Variants in DOCK10 observed in about 807,000 individuals in gnomAD.
DOCK10 encodes dedicator of cytokinesis protein 10.
In DOCK10, 145 loss-of-function variants were observed where a neutral mutation model predicts 280.1. The observed-to-expected ratio is 0.52, with a 90% CI of 0.45 to 0.59. The LOEUF (loss-of-function observed/expected upper bound fraction) is 0.59. DOCK10 is among the 20% of genes least tolerant of loss of function. DOCK10 has a pLI of 0.00. For synonymous variants in DOCK10, 915 were observed against 942.2 expected, an observed-to-expected ratio of 0.97 and a Z score of 0.53; for missense variants, 2,368 against 2,651.7, an observed-to-expected ratio of 0.89 and a Z score of 2.35.
At chr2:224,899,267 C>A (rs1700159191) in intron 3 of DOCK10, among the ~76,000 whole-genome samples, 1 of 152,118 alleles carries the variant, frequency 6.6e-6, no homozygotes, top group Admixed American at 6.5e-5. Flanking sequence ...AATTTTATAA[C>A]CACTTTAACT....
intron 1 of DOCK10, among the ~76,000 whole-genome samples, chr2:224,932,208 A>G (rs1702425637): frequency 6.6e-6 from 1 of 152,206 alleles, no homozygotes; most frequent in African/African-American, 2.4e-5. Flanking sequence ...TACAGAGACA[A>G]GCTAGGTCAT....
At chr2:224,909,082 G>A (rs768051233) in intron 3 of DOCK10, among the ~76,000 whole-genome samples, 4 of 152,158 alleles carry the variant, frequency 2.6e-5, no homozygotes, top group Non-Finnish European at 4.4e-5. Flanking sequence ...CTTTTGTTAA[G>A]AGAGACTGAA....
chr2:224,880,907 T>C (rs1698938083), intron 7 of DOCK10, among the ~76,000 whole-genome samples: 1 of 151,566 alleles, frequency 6.6e-6, no homozygotes, highest in Non-Finnish European at 1.5e-5. Context: ...GTTTCTGGTA[T>C]CGATGGCTCC....
intron 3 of DOCK10, among the ~76,000 whole-genome samples, chr2:224,912,406 A>C (rs1043015971): frequency 6.6e-6 from 1 of 152,098 alleles, no homozygotes; most frequent in Non-Finnish European, 1.5e-5. Flanking sequence ...AGGTGCTGGG[A>C]TTACAGGAGT....
Position 224,807,721 on chromosome 2 carries a change from G to A in DOCK10, c.3649C>T (p.Pro1217Ser), listed in dbSNP as rs750437368. 6.4e-7 allele frequency: 1 copy of A among 1,573,794 alleles called. No individual in the cohort carries two copies. Among genetic ancestry groups the A allele is most frequent in the Non-Finnish European group, 8.6e-7 (1 of 1,158,022 alleles). ...TACAGGTCCTTCAGATAAATCCTTG[G>A]CATATTGTCCAGGAGCATGCCGTAC... ...PLYGMLLDNM[P>S]RIYLKDLYPF... The change falls in exon 33 of 56, where the codon CCA (proline) becomes TCA (serine). Residue 1217 changes from proline to serine, a missense_variant. By Grantham distance (74) the Pro-to-Ser change is moderately conservative. Coordinates refer to ENST00000258390, the MANE Select transcript of DOCK10 (RefSeq NM_014689.3).
intron 1 of DOCK10, among the ~76,000 whole-genome samples, chr2:224,988,921 A>G (rs952006526): frequency 3.3e-5 from 5 of 152,182 alleles, no homozygotes. Context: ...TCCCTTTATC[A>G]TTACTTGCTT....
intron 1 of DOCK10, among the ~76,000 whole-genome samples, chr2:225,002,123 G>A (rs1049157762): frequency 1.8e-4 from 28 of 152,110 alleles, no homozygotes; most frequent in Admixed American, 1.8e-3. Flanking sequence ...CACTTGGGAG[G>A]AAAAGTGAGT....
At chr2:224,939,852 C>T (rs1010402460) in intron 1 of DOCK10, among the ~76,000 whole-genome samples, 1 of 152,190 alleles carries the variant, frequency 6.6e-6, no homozygotes, top group Non-Finnish European at 1.5e-5. Flanking sequence ...CCCATAATGA[C>T]AGACCATTCT....
At chr2:224,942,614 A>G (rs1703159958) in intron 1 of DOCK10, among the ~76,000 whole-genome samples, 3 of 152,230 alleles carry the variant, frequency 2.0e-5, no homozygotes, top group Non-Finnish European at 4.4e-5. Flanking sequence ...CCAGTAAGGG[A>G]GGCTTCTCAC....
intron 31 of DOCK10, among the ~76,000 whole-genome samples, chr2:224,809,246 A>G (rs1003129073): frequency 6.6e-6 from 1 of 152,216 alleles, no homozygotes; most frequent in African/African-American, 2.4e-5. Context: ...TGCACGTACA[A>G]GAAAACATAG....
chr2:224,907,416 G>A (rs892248588), intron 3 of DOCK10, among the ~76,000 whole-genome samples: 14 of 152,162 alleles, frequency 9.2e-5, no homozygotes, highest in Admixed American at 2.0e-4. Context: ...GGCCAGGCGC[G>A]GTGGCTCACG....
intron 51 of DOCK10, among the ~76,000 whole-genome samples, chr2:224,777,764 C>G (rs1690980723): frequency 6.6e-6 from 1 of 152,160 alleles, no homozygotes; most frequent in Non-Finnish European, 1.5e-5. Context: ...TAGTCCTGTT[C>G]CTCTAGAGAA....
intron 1 of DOCK10, among the ~76,000 whole-genome samples, chr2:224,964,630 A>G (rs1309040167): frequency 6.6e-6 from 1 of 152,242 alleles, no homozygotes; most frequent in East Asian, 1.9e-4. Context: ...TTGGCCTTCC[A>G]AAATGCTGAG....
chr2:224,918,068 C>T (rs1288051790), intron 2 of DOCK10, among the ~76,000 whole-genome samples: 3 of 152,168 alleles, frequency 2.0e-5, no homozygotes, highest in Non-Finnish European at 4.4e-5. Context: ...TTTTGTCTTC[C>T]GAGTTCACAG....
intron 27 of DOCK10, among the ~76,000 whole-genome samples, chr2:224,830,267 G>C (rs1695140595): frequency 6.6e-6 from 1 of 152,136 alleles, no homozygotes; most frequent in African/African-American, 2.4e-5. Context: ...ACAGGTATCA[G>C]ACTTTCCCAT....
intron 39 of DOCK10, 151 bp downstream of exon 39, chr2:224,803,961 C>T: frequency 1.8e-6 from 1 of 548,790 alleles, no homozygotes; most frequent in Non-Finnish European, 3.2e-6. Context: ...CATATAGTTA[C>T]TTGAAATCTG....
intron 3 of DOCK10, among the ~76,000 whole-genome samples, chr2:224,916,134 G>A (rs1378024476): frequency 2.0e-5 from 3 of 152,244 alleles, no homozygotes; most frequent in African/African-American, 7.2e-5. Flanking sequence ...AGTGGCTCAT[G>A]CCTGTAATCC....
intron 3 of DOCK10, among the ~76,000 whole-genome samples, chr2:224,909,308 T>C (rs1192712827): frequency 2.0e-5 from 3 of 152,234 alleles, no homozygotes; most frequent in Admixed American, 1.3e-4. Context: ...TTTATGGTTA[T>C]GGATGTTCAT....
rs185059951 is a variant in DOCK10, at chr2:224,918,692, G to A, written c.244-1908C>T. The stretch of plus-strand genomic sequence containing the variant: ...GTATGAGTGTGGTTTGGGTCTGTGA[G>A]CATGTGCAATTGAGTGTAGTGTGTA... On this transcript the variant is annotated intron_variant, in intron 2 of 55. Coordinates refer to ENST00000258390, the MANE Select transcript of DOCK10 (RefSeq NM_014689.3). Among the ~76,000 whole-genome samples the A allele has an allele frequency of 2.0e-3, 303 of 151,272 alleles. 1 individual carries two copies. Among genetic ancestry groups the A allele is most frequent in the African/African-American group, 6.5e-3 (269 of 41,216 alleles).
Sources: allele counts gnomAD v4.1 joint callset (sites outside exome capture counted in the v4.1 genomes callset), GRCh38; gene constraint gnomAD v4.1.1; transcripts MANE v1.5; gene names NCBI Gene and HGNC (gene_info 2026-07-23, HGNC 2026-07-21).